The following TSKS variants were observed in gnomAD, a reference collection of about 807,000 sequenced individuals.
TSKS encodes testis-specific serine kinase substrate.
TSKS carries 27 observed loss-of-function variants against 68.0 expected under a neutral mutation model. The observed-to-expected ratio is 0.40, with a 90% CI of 0.29 to 0.55. The LOEUF is 0.55. TSKS is among the 20% of genes least tolerant of loss of function. TSKS has a pLI of 0.53. For synonymous variants in TSKS, 331 were observed against 340.4 expected, an observed-to-expected ratio of 0.97 and a Z score of 0.30; for missense variants, 806 against 776.0, an observed-to-expected ratio of 1.04 and a Z score of -0.46.
chr19:49,740,123 G>T lies in TSKS; in HGVS notation c.1558C>A (p.Arg520=). 6.2e-7 allele frequency: 1 copy of T among 1,614,158 alleles called. No individual in the cohort carries two copies. ...VRAEALSSTL[R]LAQDEALRAK... ...CGCAGGGCCTCGTCTTGGGCCAGCC[G>T]AAGGGTGGAGCTCAGGGCCTCTGCC... Residue 520 remains arginine (R), a synonymous_variant, in exon 10 of 11, where the codon CGG becomes AGG. Transcript: ENST00000246801.
chr19:49,740,807 C>T (rs1001207860), intron 9 of TSKS, among the ~76,000 whole-genome samples: 3 of 151,682 alleles, frequency 2.0e-5, no homozygotes. Context: ...TCGTTTGAAC[C>T]TGGGAGGTGG....
chr19:49,758,521 G>T (rs1237711126), intron 2 of TSKS, among the ~76,000 whole-genome samples: 1 of 152,214 alleles, frequency 6.6e-6, no homozygotes, highest in African/African-American at 2.4e-5. Flanking sequence ...GCAAACGGCT[G>T]CAAGTGCTGC....
chr19:49,745,143 C>G (rs1017725376), intron 7 of TSKS, 59 bp downstream of exon 7: 12 of 1,473,688 alleles, frequency 8.1e-6, no homozygotes, highest in African/African-American at 1.4e-5. Flanking sequence ...AGACCCCGCC[C>G]TCAGGTTGGG....
chr19:49,744,513 TCTC>T (rs1307118027), intron 7 of TSKS, 109 bp from the exon 8 acceptor site: 1 of 1,126,868 alleles, frequency 8.9e-7, no homozygotes, highest in Non-Finnish European at 1.3e-6. Flanking sequence ...GGTCAGCAAT[TCTC>T]CACCCTGCCC....
chr19:49,746,836 C>T (rs754615479), intron 5 of TSKS, 38 bp from the exon 6 acceptor site: 8 of 1,581,690 alleles, frequency 5.1e-6, no homozygotes, highest in South Asian at 3.3e-5. Flanking sequence ...AGCGTCCAGC[C>T]GCTTTCCTCC....
intron 2 of TSKS, among the ~76,000 whole-genome samples, chr19:49,750,200 T>A (rs2084337436): frequency 6.6e-6 from 1 of 151,988 alleles, no homozygotes; most frequent in Non-Finnish European, 1.5e-5. Context: ...TTATTCAAGC[T>A]GTGTTATTTT....
rs918859347 is a variant in TSKS, at chr19:49,744,136, A to T, written c.1361+95T>A. On this transcript the variant is annotated intron_variant, in intron 8 of 10. Coordinates refer to ENST00000246801, the MANE Select transcript of TSKS (RefSeq NM_021733.2). ...TGGGATACCTTGTCTCCCAAAATGA[A>T]CAGCGCCCCACCCTTCACTAATGTC... 5 of 1,352,502 alleles carry T rather than the reference A, an allele frequency of 3.7e-6. No homozygotes were observed. The African/African-American group carries it at 4.3e-5, about 12-fold the overall frequency. 83.8% of individuals were successfully genotyped at this position (1,352,502 alleles called of 1,614,324 possible). A position where few individuals can be genotyped will look rare whatever the true frequency, so the allele number is the denominator to read the frequency against.
chr19:49,740,400 C>A (rs761947554), intron 9 of TSKS: 3 of 586,498 alleles, frequency 5.1e-6, no homozygotes, highest in Non-Finnish European at 8.9e-6. Context: ...GTCCTATTGT[C>A]TGTCCCATGA....
chr19:49,749,062 A>T (rs1203785375), intron 2 of TSKS, among the ~76,000 whole-genome samples: 1 of 151,868 alleles, frequency 6.6e-6, no homozygotes, highest in African/African-American at 2.4e-5. Flanking sequence ...GTCTCCGTCT[A>T]AAGAAAAAAA....
At position 49,747,451 on chromosome 19, in the gene TSKS, G is replaced by A. The variant is rs377575323; in HGVS notation, c.601C>T (p.Arg201Trp). 26 of 1,614,044 alleles carry A rather than the reference G, an allele frequency of 1.6e-5. No individual in the cohort carries two copies. The highest frequency in any genetic ancestry group is 2.0e-5 in the Non-Finnish European group (24 of 1,180,046). ...QLKENCWKVT[R>W]SVEDAEIKTN... ...TTGATTTCAGCATCTTCCACAGACC[G>A]GGTCACCTTCCAGCAGTTCTCCTGG... Residue 201 changes from arginine to tryptophan, a missense_variant, in exon 5 of 11, where the codon CGG becomes TGG. By Grantham distance (101) the Arg-to-Trp change is moderately radical. Coordinates refer to ENST00000246801, the MANE Select transcript of TSKS (RefSeq NM_021733.2).
At chr19:49,753,190 A>G (rs2084364663) in intron 2 of TSKS, among the ~76,000 whole-genome samples, 1 of 152,136 alleles carries the variant, frequency 6.6e-6, no homozygotes, top group Non-Finnish European at 1.5e-5. Flanking sequence ...ATTTGGGAGG[A>G]TGAGGTGGGA....
chr19:49,742,142 TC>T, intron 8 of TSKS, 122 bp from the exon 9 acceptor site: 1 of 1,085,682 alleles, frequency 9.2e-7, no homozygotes, highest in Non-Finnish European at 1.3e-6. Flanking sequence ...TATGCAACCT[TC>T]CCAGCATGCA....
At chr19:49,752,832 G>A (rs2084362105) in intron 2 of TSKS, among the ~76,000 whole-genome samples, 2 of 152,192 alleles carry the variant, frequency 1.3e-5, no homozygotes, top group South Asian at 2.1e-4. Flanking sequence ...GCTTGGGAAA[G>A]TTCTGAGAAG....
At chr19:49,746,429 C>T in intron 6 of TSKS, 41 bp downstream of exon 6, 1 of 1,610,068 alleles carries the variant, frequency 6.2e-7, no homozygotes, top group Non-Finnish European at 8.5e-7. Flanking sequence ...TGAGTCCCCG[C>T]CGATCTCGTT....
At chr19:49,752,322 C>T (rs1431637356) in intron 2 of TSKS, among the ~76,000 whole-genome samples, 5 of 149,924 alleles carry the variant, frequency 3.3e-5, no homozygotes, top group Non-Finnish European at 5.9e-5. Flanking sequence ...AGGTGGAGGT[C>T]GCAGTGAACC....
chr19:49,751,727 A>G (rs942074096), intron 2 of TSKS, among the ~76,000 whole-genome samples: 1 of 152,038 alleles, frequency 6.6e-6, no homozygotes, highest in African/African-American at 2.4e-5. Context: ...TGATAGTTGA[A>G]GGAAAGATTT....
At chr19:49,747,613 AAG>A in intron 4 of TSKS, 141 bp from the exon 5 acceptor site, 2 of 817,312 alleles carry the variant, frequency 2.4e-6, no homozygotes, top group Non-Finnish European at 3.9e-6. Flanking sequence ...TTCCTTGGCT[AAG>A]GGGATGGCTT....
chr19:49,758,249 G>A (rs963013947), intron 2 of TSKS, among the ~76,000 whole-genome samples: 3 of 151,856 alleles, frequency 2.0e-5, no homozygotes, highest in South Asian at 2.1e-4. Flanking sequence ...GCCTGTCCCC[G>A]CCTTCTCTCT....
chr19:49,755,126 A>G (rs756814608), intron 2 of TSKS, among the ~76,000 whole-genome samples: 1 of 152,206 alleles, frequency 6.6e-6, no homozygotes, highest in Admixed American at 6.6e-5. Context: ...GAAAAGTACA[A>G]TAACCAAAGT....
Sources: gnomAD v4.1 joint callset for allele counts (sites outside exome capture counted in the v4.1 genomes callset) on GRCh38, gnomAD v4.1.1 for gene constraint, MANE v1.5 for transcripts, NCBI Gene and HGNC (gene_info 2026-07-23, HGNC 2026-07-21) for gene names.